CLMN: variants seen among roughly 807,000 people sequenced by gnomAD.
CLMN encodes the protein calmin.
Under a neutral mutation model 92.7 loss-of-function variants are expected in CLMN, and 57 were observed. The observed-to-expected ratio is 0.61, with a 90% confidence interval of 0.50 to 0.77. The LOEUF is 0.77. Ranked by LOEUF, CLMN falls within the 30% of genes least tolerant of loss-of-function variation. The pLI is 0.00. For missense variants in CLMN, 1,158 were observed against 1,237.5 expected, an observed-to-expected ratio of 0.94 and a Z score of 0.96; for synonymous variants, 466 against 470.6, an observed-to-expected ratio of 0.99 and a Z score of 0.13.
rs1896428358 is a variant in CLMN, at chr14:95,185,863, G to A, written c.*5701C>T. On this transcript the variant is annotated 3_prime_UTR_variant, in exon 13 of 13. Coordinates refer to ENST00000298912, the MANE Select transcript of CLMN (RefSeq NM_024734.4). ...TCGGAGCTCATGTGAAAGCATTCTT[G>A]TCATACAACTGCCTTCCAATGGCAT... 1 of 152,198 alleles carries A rather than the reference G, an allele frequency of 6.6e-6. No homozygotes were observed. The highest frequency in any genetic ancestry group is 1.5e-5 in the Non-Finnish European group (1 of 68,036). The allele number at this position is 152,198 out of a possible 1,614,324, so 9.4% of individuals were successfully genotyped here.
chr14:95,316,338 A>G (rs570439294), intron 1 of CLMN, among the ~76,000 whole-genome samples: 28 of 152,376 alleles, frequency 1.8e-4, no homozygotes, highest in African/African-American at 6.7e-4. Flanking sequence ...AGGGTGGCAC[A>G]GGCAGTCTGC....
chr14:95,196,378 T>G (rs1176891105), intron 10 of CLMN, 120 bp downstream of exon 10: 2 of 959,070 alleles, frequency 2.1e-6, no homozygotes, highest in East Asian at 2.6e-5. Context: ...TGTATGAAGC[T>G]GTATTTCCCT....
intron 1 of CLMN, among the ~76,000 whole-genome samples, chr14:95,262,678 C>T (rs1362217327): frequency 6.6e-6 from 1 of 152,140 alleles, no homozygotes; most frequent in Non-Finnish European, 1.5e-5. Context: ...GTGATCCTTC[C>T]ACCTCAGCCT....
At chr14:95,293,262 C>T (rs865888746) in intron 1 of CLMN, among the ~76,000 whole-genome samples, 1 of 47,952 alleles carries the variant, frequency 2.1e-5, no homozygotes, top group Admixed American at 2.2e-4. Context: ...CCCTCCTTCC[C>T]TCCCTCCCTC....
At chr14:95,231,132 G>T (rs546312376) in intron 1 of CLMN, among the ~76,000 whole-genome samples, 1 of 152,144 alleles carries the variant, frequency 6.6e-6, no homozygotes, top group East Asian at 1.9e-4. Flanking sequence ...GTGGTGAGAA[G>T]CGAGCATCAC....
intron 1 of CLMN, among the ~76,000 whole-genome samples, chr14:95,249,922 T>G (rs1302262699): frequency 6.6e-6 from 1 of 152,206 alleles, no homozygotes; most frequent in South Asian, 2.1e-4. Context: ...GAGGTAGCCA[T>G]GTAACAAAGT....
At chr14:95,314,021 C>T (rs538805249) in intron 1 of CLMN, among the ~76,000 whole-genome samples, 26 of 151,222 alleles carry the variant, frequency 1.7e-4, no homozygotes, top group Admixed American at 7.2e-4. Context: ...GCTGCTGACA[C>T]GTGATTCTGT....
rs536729606 is a variant in CLMN, at chr14:95,223,711, G to A, written c.240+49C>T. The A allele has an allele frequency of 1.7e-4, 240 of 1,424,670 alleles. 1 individual carries two copies. The South Asian group carries it at 1.7e-3, about 10-fold the overall frequency. 88.3% of individuals were successfully genotyped at this position (1,424,670 alleles called of 1,614,324 possible). On this transcript the variant is annotated intron_variant, in intron 3 of 12. Coordinates refer to ENST00000298912, the MANE Select transcript of CLMN (RefSeq NM_024734.4). ...GTGTTGAAAAGAAAACCTCAGCAGC[G>A]TTTTCCTTTGCATTTTCTTTCTTTC...
At chr14:95,252,425 T>C (rs1380203570) in intron 1 of CLMN, among the ~76,000 whole-genome samples, 1 of 152,210 alleles carries the variant, frequency 6.6e-6, no homozygotes, top group Non-Finnish European at 1.5e-5. Context: ...GATTGGACAG[T>C]GCCAGCCCTG....
intron 1 of CLMN, among the ~76,000 whole-genome samples, chr14:95,242,574 C>CTTTCTTTCTTTTTT (rs749024477): frequency 0.014 from 1,623 of 119,876 alleles, 64 homozygotes; most frequent in Middle Eastern, 0.046. Flanking sequence ...ATCTCTTTTT[C>CTTTCTTTCTTTTTT]TTTTTTTTTG....
At position 95,213,293 on chromosome 14, in the gene CLMN, G is replaced by A. The variant is rs750520487; in HGVS notation, c.534C>T (p.Ser178=). The part of the protein sequence containing the change: ...SFPPTPTAER[S]VAISVKDQRK... ...TCTGGTCTTTCACCGATATTGCCAC[G>A]CTCCTCTCTGCAGTGGGTGTGGGTG... Residue 178 remains serine, a synonymous_variant, in exon 6 of 13, where the codon AGC becomes AGT. Transcript: ENST00000298912. 45 of 1,613,830 alleles carry A rather than the reference G, an allele frequency of 2.8e-5. No homozygotes were observed. Among genetic ancestry groups the A allele is most frequent in the Middle Eastern group, 1.6e-4 (1 of 6,082 alleles).
chr14:95,272,934 T>A (rs1008835372), intron 1 of CLMN, among the ~76,000 whole-genome samples: 4 of 152,198 alleles, frequency 2.6e-5, no homozygotes, highest in African/African-American at 9.7e-5. Flanking sequence ...TGCAGTGATG[T>A]CTCCCTTCCA....
At chr14:95,312,021 G>T (rs1901562301) in intron 1 of CLMN, among the ~76,000 whole-genome samples, 1 of 152,114 alleles carries the variant, frequency 6.6e-6, no homozygotes, top group South Asian at 2.1e-4. Flanking sequence ...CCAGAGCCCT[G>T]GTCTGTACAC....
intron 1 of CLMN, among the ~76,000 whole-genome samples, chr14:95,230,634 G>A (rs1405537167): frequency 6.6e-6 from 1 of 152,184 alleles, no homozygotes; most frequent in Non-Finnish European, 1.5e-5. Context: ...CAGACTCTGA[G>A]CCCTGTCATC....
chr14:95,193,856 A>T lies in CLMN; in HGVS notation c.2833T>A (p.Leu945Ile). ...ADLDDRRNRI[L>I]TRKANSSGEA... The stretch of plus-strand genomic sequence containing the variant: ...TGAAGTAAAGCCACCAACCTGGTTA[A>T]TATTCGGTTTCTTCTGTCATCCAGA... Residue 945 changes from leucine (L) to isoleucine (I), a missense_variant, in exon 12 of 13, where the codon TTA (leucine) becomes ATA (isoleucine). Transcript: ENST00000298912. 6.2e-7 allele frequency: 1 copy of T among 1,614,130 alleles called. No homozygotes were observed. Among genetic ancestry groups the T allele is most frequent in the Non-Finnish European group, 8.5e-7 (1 of 1,180,014 alleles).
chr14:95,230,573 G>A (rs538820423), intron 1 of CLMN, among the ~76,000 whole-genome samples: 2 of 152,314 alleles, frequency 1.3e-5, no homozygotes, highest in Admixed American at 6.5e-5. Flanking sequence ...AATTGGATAG[G>A]GGCTCTGGAA....
intron 7 of CLMN, 132 bp downstream of exon 7, chr14:95,210,554 G>T: frequency 1.2e-6 from 1 of 808,680 alleles, no homozygotes; most frequent in Non-Finnish European, 1.9e-6. Flanking sequence ...CATATGATCT[G>T]AGTGGTAGAA....
At chr14:95,210,054 T>C (rs1439656001) in intron 7 of CLMN, among the ~76,000 whole-genome samples, 1 of 146,404 alleles carries the variant, frequency 6.8e-6, no homozygotes, top group Non-Finnish European at 1.5e-5. Flanking sequence ...AAGAGCTAAG[T>C]ACATTTTTTT....
At chr14:95,287,301 C>T (rs955235186) in intron 1 of CLMN, among the ~76,000 whole-genome samples, 6 of 152,252 alleles carry the variant, frequency 3.9e-5, no homozygotes, top group African/African-American at 1.4e-4. Context: ...CTTTCTAGCC[C>T]AGCTCCGTGG....
Sources: gnomAD v4.1 joint callset for allele counts (sites outside exome capture counted in the v4.1 genomes callset) on GRCh38, gnomAD v4.1.1 for gene constraint, MANE v1.5 for transcripts, NCBI Gene and HGNC (gene_info 2026-07-23, HGNC 2026-07-21) for gene names.